TRPC4: variants seen among roughly 807,000 people sequenced by gnomAD.
TRPC4 encodes short transient receptor potential channel 4.
Under a neutral mutation model 99.4 loss-of-function variants are expected in TRPC4, and 49 were observed. That is an observed-to-expected ratio of 0.49 (90% CI 0.39 to 0.63). The LOEUF is 0.63. Among genes scored for constraint, TRPC4 ranks in the 20% least tolerant of loss-of-function variants. The pLI is 0.00. For synonymous variants in TRPC4, 454 were observed against 425.9 expected, an observed-to-expected ratio of 1.07 and a Z score of -0.81; for missense variants, 898 against 1,152.9, an observed-to-expected ratio of 0.78 and a Z score of 3.20.
intron 1 of TRPC4, among the ~76,000 whole-genome samples, chr13:37,830,043 T>C (rs7981562): frequency 1.3e-5 from 2 of 152,172 alleles, no homozygotes; most frequent in African/African-American, 2.4e-5. Flanking sequence ...GGGTTTCTTC[T>C]TGTGGTGACA....
At chr13:37,652,451 C>T (rs1037449702) in intron 7 of TRPC4, among the ~76,000 whole-genome samples, 4 of 152,188 alleles carry the variant, frequency 2.6e-5, no homozygotes, top group South Asian at 2.1e-4. Context: ...AGATATTGGA[C>T]AGACTGTGCT....
At chr13:37,818,062 T>C (rs1394250243) in intron 1 of TRPC4, among the ~76,000 whole-genome samples, 1 of 151,810 alleles carries the variant, frequency 6.6e-6, no homozygotes, top group African/African-American at 2.4e-5. Context: ...AAAGCGCTTT[T>C]GCATAGCAAA....
intron 3 of TRPC4, among the ~76,000 whole-genome samples, chr13:37,705,090 G>A (rs532509847): frequency 6.6e-6 from 1 of 152,246 alleles, no homozygotes; most frequent in South Asian, 2.1e-4. Flanking sequence ...CTGTGGTATA[G>A]ATATACACTA....
At chr13:37,725,242 G>A (rs1955012710) in intron 3 of TRPC4, among the ~76,000 whole-genome samples, 1 of 152,082 alleles carries the variant, frequency 6.6e-6, no homozygotes, top group Admixed American at 6.6e-5. Context: ...TAAAGAACCT[G>A]TGAGACACCA....
chr13:37,837,000 G>T (rs945572638), intron 1 of TRPC4, among the ~76,000 whole-genome samples: 1 of 152,190 alleles, frequency 6.6e-6, no homozygotes, highest in Non-Finnish European at 1.5e-5. Context: ...ACTGAATGGG[G>T]CCAACATAGA....
chr13:37,827,761 A>G (rs1290339184), intron 1 of TRPC4, among the ~76,000 whole-genome samples: 2 of 152,326 alleles, frequency 1.3e-5, no homozygotes, highest in Admixed American at 1.3e-4. Flanking sequence ...TGGAGCCTAC[A>G]GAGGCAGGCA....
At chr13:37,823,655 TG>T (rs1262424731) in intron 1 of TRPC4, among the ~76,000 whole-genome samples, 5 of 150,762 alleles carry the variant, frequency 3.3e-5, no homozygotes, top group African/African-American at 1.2e-4. Flanking sequence ...ACCAGTACCA[TG>T]CTGTTTTGGT....
intron 3 of TRPC4, among the ~76,000 whole-genome samples, chr13:37,740,455 A>C (rs146818843): frequency 6.6e-6 from 1 of 152,338 alleles, no homozygotes; most frequent in African/African-American, 2.4e-5. Flanking sequence ...TGATACACTT[A>C]TCAAAAAAGA....
chr13:37,682,678 A>T (rs1427757077), intron 4 of TRPC4, among the ~76,000 whole-genome samples: 1 of 152,140 alleles, frequency 6.6e-6, no homozygotes, highest in Non-Finnish European at 1.5e-5. Context: ...TCTGTAACAG[A>T]GGTAGACCTG....
chr13:37,733,104 C>A (rs1955288889), intron 3 of TRPC4, among the ~76,000 whole-genome samples: 1 of 152,138 alleles, frequency 6.6e-6, no homozygotes, highest in Non-Finnish European at 1.5e-5. Flanking sequence ...AAAACCTTGT[C>A]TTTACAAAAG....
chr13:37,816,670 A>G (rs1357563477), intron 1 of TRPC4, among the ~76,000 whole-genome samples: 1 of 151,938 alleles, frequency 6.6e-6, no homozygotes. Flanking sequence ...AAAAAAAGCT[A>G]ATCCACCATG....
At chr13:37,739,365 C>T (rs1955508208) in intron 3 of TRPC4, among the ~76,000 whole-genome samples, 3 of 152,076 alleles carry the variant, frequency 2.0e-5, no homozygotes, top group Non-Finnish European at 4.4e-5. Flanking sequence ...ACCAACTTTA[C>T]TTACATAAAT....
At chr13:37,735,582 A>T (rs994462476) in intron 3 of TRPC4, among the ~76,000 whole-genome samples, 1 of 152,306 alleles carries the variant, frequency 6.6e-6, no homozygotes, top group Non-Finnish European at 1.5e-5. Flanking sequence ...AAACCTGATG[A>T]TCTTATTGCT....
chr13:37,691,836 G>C (rs1953722624), intron 4 of TRPC4, among the ~76,000 whole-genome samples, 163 bp downstream of exon 4: 3 of 152,196 alleles, frequency 2.0e-5, no homozygotes, highest in Non-Finnish European at 4.4e-5. Context: ...ACCGCAGCTT[G>C]TAAAATAGTT....
At chr13:37,691,291 A>G (rs1438042465) in intron 4 of TRPC4, among the ~76,000 whole-genome samples, 1 of 152,122 alleles carries the variant, frequency 6.6e-6, no homozygotes, top group African/African-American at 2.4e-5. Context: ...TTTTTAGTAG[A>G]GACGGGGTTT....
Position 37,832,147 on chromosome 13 carries a change from A to G in TRPC4, c.-28+37448T>C, listed in dbSNP as rs368527363. Among the ~76,000 whole-genome samples the G allele has an allele frequency of 2.0e-5, 3 of 152,200 alleles. No homozygotes were observed. The South Asian group carries it at 6.2e-4, about 32-fold the overall frequency. ...GTAACACAACATTACATTGTACCCC[A>G]CAAATATATGCAATCATTATTTGTA... On this transcript the variant is annotated intron_variant, in intron 1 of 10. Coordinates refer to ENST00000379705, the MANE Select transcript of TRPC4 (RefSeq NM_016179.4).
intron 8 of TRPC4, among the ~76,000 whole-genome samples, chr13:37,645,698 T>C (rs1163247822): frequency 6.6e-6 from 1 of 152,232 alleles, no homozygotes; most frequent in Non-Finnish European, 1.5e-5. Context: ...GATCTACATA[T>C]TGTTCTCTAT....
intron 4 of TRPC4, among the ~76,000 whole-genome samples, chr13:37,680,231 T>G: frequency 6.6e-6 from 1 of 152,206 alleles, no homozygotes; most frequent in Non-Finnish European, 1.5e-5. Flanking sequence ...ATTTGTTTTG[T>G]CTTGCTTGAC....
At chr13:37,656,528 T>G (rs920835667) in intron 6 of TRPC4, among the ~76,000 whole-genome samples, 11 of 152,156 alleles carry the variant, frequency 7.2e-5, no homozygotes, top group African/African-American at 2.4e-4. Flanking sequence ...AATACCTCCA[T>G]GGACTAAGTC....
Sources: gnomAD v4.1 joint callset for allele counts (sites outside exome capture counted in the v4.1 genomes callset) on GRCh38, gnomAD v4.1.1 for gene constraint, MANE v1.5 for transcripts, NCBI Gene and HGNC (gene_info 2026-07-23, HGNC 2026-07-21) for gene names.